GLCE: variants seen among roughly 807,000 people sequenced by gnomAD.
GLCE encodes D-glucuronyl C5-epimerase.
A neutral mutation model predicts 47.9 loss-of-function variants in GLCE; 19 were observed. The ratio of observed to expected loss-of-function variants is 0.40; its 90% confidence interval spans 0.28 to 0.58. The LOEUF (loss-of-function observed/expected upper bound fraction) is 0.58, where lower values mean the gene tolerates loss of function less well. Ranked by LOEUF, GLCE falls within the 20% of genes least tolerant of loss-of-function variation. GLCE has a pLI of 0.48. For synonymous variants in GLCE, 245 were observed against 263.4 expected (o/e 0.93, Z 0.68); for missense variants, 556 against 743.3 (o/e 0.75, Z 2.93).
intron 1 of GLCE, among the ~76,000 whole-genome samples, chr15:69,163,259 A>G (rs2051453907): frequency 6.6e-6 from 1 of 152,204 alleles, no homozygotes; most frequent in Non-Finnish European, 1.5e-5. Flanking sequence ...TAAGTAAGGC[A>G]TAGACTGATA....
chr15:69,250,143 CA>C (rs1377041714), intron 2 of GLCE, among the ~76,000 whole-genome samples: 4 of 151,936 alleles, frequency 2.6e-5, no homozygotes, highest in Non-Finnish European at 5.9e-5. Flanking sequence ...GTAGATGTGG[CA>C]AAAGCTTCAA....
chr15:69,181,426 A>G (rs1300042336), intron 1 of GLCE, among the ~76,000 whole-genome samples: 1 of 152,230 alleles, frequency 6.6e-6, no homozygotes, highest in Non-Finnish European at 1.5e-5. Flanking sequence ...ATGAAGAACT[A>G]GCAAAGGAAA....
intron 3 of GLCE, among the ~76,000 whole-genome samples, chr15:69,256,715 T>C (rs1176988728): frequency 6.6e-6 from 1 of 152,102 alleles, no homozygotes; most frequent in Non-Finnish European, 1.5e-5. Context: ...CTGTGAGAGA[T>C]GGGAAAGGGA....
chr15:69,200,608 A>AGATTAT (rs2052064610), intron 1 of GLCE, among the ~76,000 whole-genome samples: 1 of 152,156 alleles, frequency 6.6e-6, no homozygotes, highest in Admixed American at 6.5e-5. Flanking sequence ...TAAGAATAGG[A>AGATTAT]GATTATGATC....
intron 1 of GLCE, among the ~76,000 whole-genome samples, chr15:69,204,449 A>AT (rs1468846864): frequency 3.3e-5 from 5 of 151,532 alleles, no homozygotes; most frequent in East Asian, 3.9e-4. Flanking sequence ...CACCCAGCTA[A>AT]TTTTTTTGTA....
intron 1 of GLCE, among the ~76,000 whole-genome samples, chr15:69,173,611 T>C (rs1440671869): frequency 1.3e-5 from 2 of 151,756 alleles, no homozygotes; most frequent in Non-Finnish European, 2.9e-5. Flanking sequence ...GGAGTAAACA[T>C]TCACTCCCTG....
chr15:69,252,259 T>A (rs528733924), intron 2 of GLCE, among the ~76,000 whole-genome samples: 90 of 151,702 alleles, frequency 5.9e-4, no homozygotes, highest in East Asian at 2.7e-3. Context: ...AATTTATTTT[T>A]AAAAAAAAAG....
At chr15:69,266,789 CG>C in intron 4 of GLCE, 1 of 776,430 alleles carries the variant, frequency 1.3e-6, no homozygotes, top group Non-Finnish European at 1.6e-6. Context: ...AACCTGAGTC[CG>C]GGAAACCTGG....
chr15:69,261,248 T>C lies in GLCE; in HGVS notation c.748T>C (p.Trp250Arg). Residue 250 changes from tryptophan to arginine, a missense_variant, in exon 4 of 5, where the codon TGG becomes CGG. By Grantham distance (101) the Trp-to-Arg change is moderately radical. Around this residue, in one of 3 missense-constraint regions of GLCE, gnomAD observed 237 missense variants for 310.9 expected, o/e 0.76. Coordinates refer to ENST00000261858, the MANE Select transcript of GLCE (RefSeq NM_015554.3). Reference protein sequence around the residue: ...EDRDKNKPNDWTVPKGCFMAN... With the variant: ...EDRDKNKPNDRTVPKGCFMAN... Reference sequence around the variant, plus strand: ...CAGAGACAAAAACAAGCCTAATGACTGGACTGTGCCAAAGGGCTGCTTTAT... The same window carrying C: ...CAGAGACAAAAACAAGCCTAATGACCGGACTGTGCCAAAGGGCTGCTTTAT... 6.2e-7 allele frequency: 1 copy of C among 1,614,092 alleles called. No individual in the cohort carries two copies. The highest frequency in any genetic ancestry group is 8.5e-7 in the Non-Finnish European group (1 of 1,179,974).
intron 1 of GLCE, among the ~76,000 whole-genome samples, chr15:69,198,536 C>T (rs1423657513): frequency 6.6e-6 from 1 of 152,074 alleles, no homozygotes; most frequent in Admixed American, 6.6e-5. Flanking sequence ...GGCTGTTGGC[C>T]AGAGGCCTCC....
chr15:69,263,815 C>T (rs980700539), intron 4 of GLCE, among the ~76,000 whole-genome samples: 4 of 152,072 alleles, frequency 2.6e-5, no homozygotes, highest in African/African-American at 9.7e-5. Context: ...GTTGATTAAA[C>T]GAATGGATTG....
intron 1 of GLCE, among the ~76,000 whole-genome samples, chr15:69,180,408 A>T (rs984171953): frequency 1.3e-5 from 2 of 152,208 alleles, no homozygotes; most frequent in South Asian, 4.1e-4. Context: ...AAAAAATGTA[A>T]GTTTACAGCA....
chr15:69,207,960 A>G (rs1030587465), intron 1 of GLCE, among the ~76,000 whole-genome samples: 1 of 151,966 alleles, frequency 6.6e-6, no homozygotes, highest in Non-Finnish European at 1.5e-5. Context: ...AAGCTATTCT[A>G]ATCATGTACT....
chr15:69,195,237 T>A lies in GLCE; in HGVS notation c.-104-15079T>A, dbSNP rs550098487. ...CATACAAATGTAAAAATGATATTTA[T>A]AAGTATTTTATCTCAGCAAAATCAA... On this transcript the variant is annotated intron_variant, in intron 1 of 4. Coordinates refer to ENST00000261858, the MANE Select transcript of GLCE (RefSeq NM_015554.3). Among the ~76,000 whole-genome samples the A allele has an allele frequency of 6.6e-5, 10 of 152,310 alleles. No homozygotes were observed. In the South Asian group the frequency reaches 2.1e-3, roughly 32 times the overall value.
chr15:69,265,387 G>T (rs934447203), intron 4 of GLCE, among the ~76,000 whole-genome samples: 4 of 152,072 alleles, frequency 2.6e-5, no homozygotes, highest in African/African-American at 9.7e-5. Context: ...CTCCCATTCA[G>T]GTCCTCGTGA....
chr15:69,250,805 T>TAAA (rs35971019), intron 2 of GLCE, among the ~76,000 whole-genome samples: 1 of 126,810 alleles, frequency 7.9e-6, no homozygotes, highest in East Asian at 2.3e-4. Flanking sequence ...TTTTTATAGT[T>TAAA]AAAAAAAAAA....
intron 2 of GLCE, among the ~76,000 whole-genome samples, chr15:69,232,177 A>G (rs969589994): frequency 6.6e-6 from 1 of 152,222 alleles, no homozygotes; most frequent in African/African-American, 2.4e-5. Context: ...GAAAATAACA[A>G]TTTTAATTAT....
At chr15:69,213,803 A>G (rs1377618447) in intron 2 of GLCE, among the ~76,000 whole-genome samples, 2 of 151,996 alleles carry the variant, frequency 1.3e-5, no homozygotes, top group African/African-American at 4.8e-5. Flanking sequence ...TTTCCTCTAC[A>G]TTTATCAATT....
intron 3 of GLCE, among the ~76,000 whole-genome samples, chr15:69,259,317 A>G (rs772019606): frequency 7.9e-5 from 12 of 152,110 alleles, no homozygotes; most frequent in Admixed American, 1.3e-4. Flanking sequence ...CATTTTACAT[A>G]TGATTTGTTG....
Sources: allele counts gnomAD v4.1 joint callset (sites outside exome capture counted in the v4.1 genomes callset), GRCh38; gene constraint gnomAD v4.1.1; regional missense constraint gnomAD v4.1.1; transcripts MANE v1.5; gene names NCBI Gene and HGNC (gene_info 2026-07-23, HGNC 2026-07-21).